Variants in LRRC14 observed in about 807,000 individuals in gnomAD.
The protein encoded by LRRC14 is leucine-rich repeat-containing protein 14.
In LRRC14, 16 loss-of-function variants were observed where a neutral mutation model predicts 25.3. The observed-to-expected ratio is 0.63, with a 90% confidence interval of 0.43 to 0.96. LRRC14 has a LOEUF of 0.96. Ranked by LOEUF, LRRC14 falls within the 40% of genes least tolerant of loss-of-function variation. The probability of loss-of-function intolerance (pLI) is 0.00; values close to 1 mark genes in which losing one functional copy is unlikely to be tolerated. For missense variants in LRRC14, 594 were observed against 660.5 expected (o/e 0.90, Z 1.10); for synonymous variants, 359 against 295.1 (o/e 1.22, Z -2.22).
chr8:144,522,131 C>T lies in LRRC14; in HGVS notation c.*653C>T, dbSNP rs1223355402. On this transcript the variant is annotated 3_prime_UTR_variant, in exon 4 of 4. Transcript: ENST00000292524. ...ACAACTGCCATCCAGCCTGTCGCCC[C>T]GCCCTTCGCGGGGCAGCCCCGTCGG... is the stretch of plus-strand genomic sequence containing the variant. 3 of 302,694 alleles carry T rather than the reference C, an allele frequency of 9.9e-6. No individual in the cohort carries two copies. The highest frequency in any genetic ancestry group is 1.8e-5 in the Non-Finnish European group (3 of 163,828). The allele number at this position is 302,694 out of a possible 1,614,324, so 18.8% of individuals were successfully genotyped here.
At chr8:144,520,130 T>C (rs1045468423) in intron 2 of LRRC14, 76 bp downstream of exon 2, 1 of 1,568,686 alleles carries the variant, frequency 6.4e-7, no homozygotes, top group African/African-American at 1.3e-5. Flanking sequence ...GTCATAAAGT[T>C]AGCAAGAGCT....
chr8:144,524,083 CAG>C lies in LRRC14; in HGVS notation c.*2609_*2610del, dbSNP rs770933905. 8 of 1,590,222 alleles carry C rather than the reference CAG, an allele frequency of 5.0e-6. No individual in the cohort carries two copies. The highest frequency in any genetic ancestry group is 1.3e-5 in the African/African-American group (1 of 74,306). ...CCTACTGCCAACACCGTGGCCCAGA[CAG>C]AGACGCTTTCCGAGGAAGAGGTACC... On this transcript the variant is annotated 3_prime_UTR_variant, in exon 4 of 4. Transcript: ENST00000292524.
chr8:144,525,019 C>T lies in LRRC14; in HGVS notation c.*3541C>T. ...CACCGGCCCTTCCGCGGTTCAGCCG[C>T]AGACGCGTGCCCTCCTGAAACACAG... On this transcript the variant is annotated 3_prime_UTR_variant, in exon 4 of 4. Transcript: ENST00000292524. The T allele has an allele frequency of 2.1e-6, 3 of 1,395,406 alleles. No individual in the cohort carries two copies. Among genetic ancestry groups the T allele is most frequent in the African/African-American group, 3.0e-5 (2 of 66,498 alleles). The allele number at this position is 1,395,406 out of a possible 1,614,324, so 86.4% of individuals were successfully genotyped here. A position where few individuals can be genotyped will look rare whatever the true frequency, so the allele number is the denominator to read the frequency against.
chr8:144,522,663 C>G lies in LRRC14; in HGVS notation c.*1185C>G, dbSNP rs772455171. 8 of 1,592,650 alleles carry G rather than the reference C, an allele frequency of 5.0e-6. No homozygotes were observed. Among genetic ancestry groups the G allele is most frequent in the South Asian group, 2.3e-5 (2 of 88,304 alleles). ...TCTAGCTGTGCGAACGTACAGGGGC[C>G]GTCCAAGTAGTCGTTGACGAACAGC... On this transcript the variant is annotated 3_prime_UTR_variant, in exon 4 of 4. Transcript: ENST00000292524.
Position 144,523,576 on chromosome 8 carries a change from C to T in LRRC14, c.*2098C>T. 8.9e-7 allele frequency: 1 copy of T among 1,128,610 alleles called. No homozygotes were observed. Among genetic ancestry groups the T allele is most frequent in the Non-Finnish European group, 1.2e-6 (1 of 861,596 alleles). The allele number at this position is 1,128,610 out of a possible 1,614,324, so 69.9% of individuals were successfully genotyped here. A position where few individuals can be genotyped will look rare whatever the true frequency, so the allele number is the denominator to read the frequency against. On this transcript the variant is annotated 3_prime_UTR_variant, in exon 4 of 4. Transcript: ENST00000292524. The stretch of plus-strand genomic sequence containing the variant: ...TTCCTTGACCCCAAGCTCCTTGGGG[C>T]GGCAGGCCCTTCACCCTCGCCCCCC...
chr8:144,522,930 T>C lies in LRRC14; in HGVS notation c.*1452T>C. ...TGCTGCGGCTGCTGCCGGGACGCGTTGACCAGGAGCCGGAAGGGCACGCGG... is the reference window on the plus strand; with the variant it reads ...TGCTGCGGCTGCTGCCGGGACGCGTCGACCAGGAGCCGGAAGGGCACGCGG... On this transcript the variant is annotated 3_prime_UTR_variant, in exon 4 of 4. Transcript: ENST00000292524. 2.0e-6 allele frequency: 3 copies of C among 1,516,518 alleles called. No homozygotes were observed. The South Asian group carries it at 3.7e-5, about 19-fold the overall frequency. 93.9% of individuals were successfully genotyped at this position (1,516,518 alleles called of 1,614,324 possible). A position where few individuals can be genotyped will look rare whatever the true frequency, so the allele number is the denominator to read the frequency against.
rs755544856 is a variant in LRRC14, at chr8:144,519,868, G to A, written c.143G>A (p.Arg48His). 5.0e-6 allele frequency: 8 copies of A among 1,613,394 alleles called. No individual in the cohort carries two copies. The highest frequency in any genetic ancestry group is 2.2e-5 in the East Asian group (1 of 44,904). ...ATGGACAAGAAGACAGTGGTACTGC[G>A]CGAGTTGGTACACACGTGGCCCTTC... ...AFMDKKTVVL[R>H]ELVHTWPFPL... The change falls in exon 2 of 4, where the codon CGC (arginine) becomes CAC (histidine). Residue 48 changes from arginine to histidine, a missense_variant. Physicochemically the swap from Arg to His is conservative, Grantham distance 29. Transcript: ENST00000292524.
Position 144,524,044 on chromosome 8 carries a change from A to C in LRRC14, c.*2566A>C, listed in dbSNP as rs1393696316. ...TTGCCTGATGTCAGAGCCCCTCCAC[A>C]CATGAGCCTGCTCCCTACTGCCAAC... On this transcript the variant is annotated 3_prime_UTR_variant, in exon 4 of 4. Coordinates refer to ENST00000292524, the MANE Select transcript of LRRC14 (RefSeq NM_014665.4). 13 of 1,543,870 alleles carry C rather than the reference A, an allele frequency of 8.4e-6. No homozygotes were observed. In the East Asian group the frequency reaches 2.5e-4, roughly 30 times the overall value.
chr8:144,521,276 T>C lies in LRRC14; in HGVS notation c.1280T>C (p.Val427Ala). The C allele has an allele frequency of 1.2e-6, 2 of 1,613,122 alleles. No homozygotes were observed. The highest frequency in any genetic ancestry group is 2.2e-5 in the East Asian group (1 of 44,882). The change falls in exon 4 of 4, where the codon GTG (valine) becomes GCG (alanine). Residue 427 changes from valine to alanine, a missense_variant. Transcript: ENST00000292524. ...SVAQAELRTV[V>A]HPFPVDCYEG... is the part of the protein sequence containing the mutation. ...GCACAGGCTGAGCTGCGTACTGTGGTGCACCCCTTCCCTGTGGACTGCTAT... is the reference window on the plus strand; with the variant it reads ...GCACAGGCTGAGCTGCGTACTGTGGCGCACCCCTTCCCTGTGGACTGCTAT...
chr8:144,518,299 C>T (rs1487177219), intron 1 of LRRC14: 1 of 152,256 alleles, frequency 6.6e-6, no homozygotes, highest in Non-Finnish European at 1.5e-5. Flanking sequence ...GCAGGCCCCG[C>T]TCGGGAGGCG....
chr8:144,523,411 T>C lies in LRRC14; in HGVS notation c.*1933T>C. 1.3e-6 allele frequency: 2 copies of C among 1,524,076 alleles called. No homozygotes were observed. Among genetic ancestry groups the C allele is most frequent in the Non-Finnish European group, 1.8e-6 (2 of 1,136,562 alleles). 94.4% of individuals were successfully genotyped at this position (1,524,076 alleles called of 1,614,324 possible). A position where few individuals can be genotyped will look rare whatever the true frequency, so the allele number is the denominator to read the frequency against. ...CGCAGTCACAGCGCCATGGGTTCTC[T>C]GTGGGAGAGCAGCGTTAGGCAGGTG... is the stretch of plus-strand genomic sequence containing the variant. On this transcript the variant is annotated 3_prime_UTR_variant, in exon 4 of 4. Transcript: ENST00000292524.
In LRRC14 at chr8:144,520,003, C is replaced by T. The variant is rs769683741; in HGVS notation, c.278C>T (p.Thr93Ile). Residue 93 changes from threonine (T) to isoleucine (I), a missense_variant, in exon 2 of 4, where the codon ACT (threonine) becomes ATT (isoleucine). Coordinates refer to ENST00000292524, the MANE Select transcript of LRRC14 (RefSeq NM_014665.4). ...ESMQAVILGLTARLHTSEPGA... is the reference protein window; with the variant it reads ...ESMQAVILGLIARLHTSEPGA... ...ATGCAGGCTGTTATCCTGGGGCTGA[C>T]TGCCCGGCTCCACACCTCAGAGCCT... is the stretch of plus-strand genomic sequence containing the variant. 9 of 1,611,372 alleles carry T rather than the reference C, an allele frequency of 5.6e-6. No individual in the cohort carries two copies. In the South Asian group the frequency reaches 6.6e-5, roughly 12 times the overall value.
Position 144,522,527 on chromosome 8 carries a change from G to A in LRRC14, c.*1049G>A, listed in dbSNP as rs755754373. ...CGGGGGCACGCGGAGTCCCGGCCCC[G>A]CCCCCTGTTCCGGGCCGCAGTCAGC... is the stretch of plus-strand genomic sequence containing the variant. On this transcript the variant is annotated 3_prime_UTR_variant, in exon 4 of 4. Transcript: ENST00000292524. 4.6e-6 allele frequency: 7 copies of A among 1,512,562 alleles called. No individual in the cohort carries two copies. The South Asian group carries it at 5.0e-5, about 11-fold the overall frequency. 93.7% of individuals were successfully genotyped at this position (1,512,562 alleles called of 1,614,324 possible).
Position 144,522,100 on chromosome 8 carries a change from C to A in LRRC14, c.*622C>A. On this transcript the variant is annotated 3_prime_UTR_variant, in exon 4 of 4. Coordinates refer to ENST00000292524, the MANE Select transcript of LRRC14 (RefSeq NM_014665.4). Reference sequence around the variant, plus strand: ...CTGCTGTCACCCCCAACATGGCCACCCGGCAACAACTGCCATCCAGCCTGT... The same window carrying A: ...CTGCTGTCACCCCCAACATGGCCACACGGCAACAACTGCCATCCAGCCTGT... 1 of 258,630 alleles carries A rather than the reference C, an allele frequency of 3.9e-6. No homozygotes were observed. Among genetic ancestry groups the A allele is most frequent in the Non-Finnish European group, 7.4e-6 (1 of 135,956 alleles). 16.0% of individuals were successfully genotyped at this position (258,630 alleles called of 1,614,324 possible).
chr8:144,519,604 C>A lies in LRRC14; in HGVS notation c.-111-11C>A. 1 of 852,250 alleles carries A rather than the reference C, an allele frequency of 1.2e-6. No individual in the cohort carries two copies. The highest frequency in any genetic ancestry group is 1.6e-5 in the South Asian group (1 of 61,286). The allele number at this position is 852,250 out of a possible 1,614,324, so 52.8% of individuals were successfully genotyped here. Reference sequence around the variant, plus strand: ...TGCCATGGCCACTGCTAACTGCTGACTTTGTTTCAGGCACTATGCTGGGCC... The same window carrying A: ...TGCCATGGCCACTGCTAACTGCTGAATTTGTTTCAGGCACTATGCTGGGCC... On this transcript the variant is annotated splice_polypyrimidine_tract_variant and intron_variant, in intron 1 of 3. Transcript: ENST00000292524.
Position 144,525,145 on chromosome 8 carries a change from A to G in LRRC14, c.*3667A>G. The G allele has an allele frequency of 3.2e-6, 2 of 625,288 alleles. No homozygotes were observed. Among genetic ancestry groups the G allele is most frequent in the Non-Finnish European group, 4.7e-6 (2 of 421,826 alleles). 38.7% of individuals were successfully genotyped at this position (625,288 alleles called of 1,614,324 possible). A position where few individuals can be genotyped will look rare whatever the true frequency, so the allele number is the denominator to read the frequency against. On this transcript the variant is annotated 3_prime_UTR_variant, in exon 4 of 4. Transcript: ENST00000292524. Reference sequence around the variant, plus strand: ...ACGCTATAAATAGGTTCAAGAAACTAATAAAACGTTCTGGTTTTCTCCTTT... The same window carrying G: ...ACGCTATAAATAGGTTCAAGAAACTGATAAAACGTTCTGGTTTTCTCCTTT...
rs969356265 is a variant in LRRC14 at position 144,523,570 on chromosome 8, T to C, written c.*2092T>C. 1.3e-4 allele frequency: 152 copies of C among 1,207,424 alleles called. No homozygotes were observed. The highest frequency in any genetic ancestry group is 1.6e-4 in the Non-Finnish European group (148 of 932,660). The allele number at this position is 1,207,424 out of a possible 1,614,324, so 74.8% of individuals were successfully genotyped here. Reference sequence around the variant, plus strand: ...CACCCCTTCCTTGACCCCAAGCTCCTTGGGGCGGCAGGCCCTTCACCCTCG... The same window carrying C: ...CACCCCTTCCTTGACCCCAAGCTCCCTGGGGCGGCAGGCCCTTCACCCTCG... On this transcript the variant is annotated 3_prime_UTR_variant, in exon 4 of 4. Coordinates refer to ENST00000292524, the MANE Select transcript of LRRC14 (RefSeq NM_014665.4).
chr8:144,523,074 G>A lies in LRRC14; in HGVS notation c.*1596G>A, dbSNP rs766584717. On this transcript the variant is annotated 3_prime_UTR_variant, in exon 4 of 4. Transcript: ENST00000292524. ...GATGCCGAGTGTCCGCCCAGGCCCA[G>A]CAACCCGCCTTCTAGCTGGGCCTGG... 7.5e-6 allele frequency: 12 copies of A among 1,607,738 alleles called. No individual in the cohort carries two copies. The highest frequency in any genetic ancestry group is 1.0e-5 in the Non-Finnish European group (12 of 1,178,960).
intron 2 of LRRC14, 46 bp from the exon 3 acceptor site, chr8:144,520,192 T>C (rs1815907190): frequency 6.3e-7 from 1 of 1,585,634 alleles, no homozygotes; most frequent in African/African-American, 1.3e-5. Flanking sequence ...GGAGGGGGTA[T>C]GGGCGCTGCC....
Sources: allele counts gnomAD v4.1 joint callset, GRCh38; gene constraint gnomAD v4.1.1; transcripts MANE v1.5; gene names NCBI Gene and HGNC (gene_info 2026-07-23, HGNC 2026-07-21).